Variants in ETV6 observed in about 807,000 individuals in gnomAD.
ETV6 encodes transcription factor ETV6.
Under a neutral mutation model 51.1 loss-of-function variants are expected in ETV6, and 16 were observed. That is an observed-to-expected ratio of 0.31 (90% confidence interval 0.21 to 0.48). The LOEUF (loss-of-function observed/expected upper bound fraction) is 0.48, where lower values mean the gene tolerates loss of function less well. Ranked by LOEUF, ETV6 falls within the 20% of genes least tolerant of loss-of-function variation. The probability of loss-of-function intolerance (pLI) is 0.99; values close to 1 mark genes in which losing one functional copy is unlikely to be tolerated. For missense variants in ETV6, 458 were observed against 594.8 expected, an observed-to-expected ratio of 0.77 and a Z score of 2.39; for synonymous variants, 240 against 224.1, an observed-to-expected ratio of 1.07 and a Z score of -0.64.
chr12:11,767,929 A>G (rs1945185667), intron 2 of ETV6, among the ~76,000 whole-genome samples: 1 of 152,182 alleles, frequency 6.6e-6, no homozygotes, highest in Non-Finnish European at 1.5e-5. Context: ...GAAAATGACT[A>G]GGATCATGGG....
chr12:11,851,586 T>C (rs946490627), intron 3 of ETV6, among the ~76,000 whole-genome samples: 19 of 152,352 alleles, frequency 1.2e-4, no homozygotes, highest in Admixed American at 3.3e-4. Context: ...GCCTTATACA[T>C]AGCAGTTTCA....
intron 1 of ETV6, among the ~76,000 whole-genome samples, chr12:11,737,774 C>T (rs1434952416): frequency 1.3e-5 from 2 of 152,128 alleles, no homozygotes; most frequent in African/African-American, 4.8e-5. Flanking sequence ...TGTATTTTAA[C>T]TCAACTGATT....
chr12:11,766,395 A>AT (rs1441736912), intron 2 of ETV6, among the ~76,000 whole-genome samples: 1 of 152,224 alleles, frequency 6.6e-6, no homozygotes, highest in Non-Finnish European at 1.5e-5. Flanking sequence ...CAAAACAGCT[A>AT]TTGAGAGTGC....
intron 1 of ETV6, among the ~76,000 whole-genome samples, chr12:11,740,300 T>C (rs1591642323): frequency 3.9e-5 from 6 of 152,358 alleles, no homozygotes; most frequent in Admixed American, 3.9e-4. Flanking sequence ...GTTTCAACCC[T>C]ATAAGCTCCA....
intron 1 of ETV6, among the ~76,000 whole-genome samples, chr12:11,727,661 G>A (rs566345711): frequency 2.1e-5 from 3 of 143,676 alleles, no homozygotes; most frequent in Admixed American, 6.9e-5. Context: ...GTCATGAAAA[G>A]TGCAGCCAGC....
chr12:11,851,530 G>C (rs922270820), intron 3 of ETV6, among the ~76,000 whole-genome samples: 6 of 152,154 alleles, frequency 3.9e-5, no homozygotes, highest in African/African-American at 1.2e-4. Context: ...AATGAATTCC[G>C]AAGCCGTTCT....
At chr12:11,731,354 C>A (rs1479658652) in intron 1 of ETV6, among the ~76,000 whole-genome samples, 1 of 151,976 alleles carries the variant, frequency 6.6e-6, no homozygotes, top group African/African-American at 2.4e-5. Context: ...ATTTGTCTTC[C>A]CTGATCAGAT....
In ETV6 at chr12:11,716,982, C is replaced by T. The variant is rs147300499; in HGVS notation, c.34-35468C>T. On this transcript the variant is annotated intron_variant, in intron 1 of 7. Coordinates refer to ENST00000396373, the MANE Select transcript of ETV6 (RefSeq NM_001987.5). The stretch of plus-strand genomic sequence containing the variant: ...GATTTTGATTCCAAGGGTCAAAGCA[C>T]AGCATGGTAGGCAGCAAGCTCTCAT... Among the ~76,000 whole-genome samples, 69 of 152,302 alleles carry T rather than the reference C, an allele frequency of 4.5e-4. 2 individuals carry two copies. The East Asian group carries it at 0.012, about 26-fold the overall frequency.
At chr12:11,878,531 A>C (rs2238133) in intron 5 of ETV6, among the ~76,000 whole-genome samples, 83,934 of 151,822 alleles carry the variant, frequency 0.55, 25,416 homozygotes, top group African/African-American at 0.8. Context: ...CGGTGTTTCC[A>C]AGCCTTCTCC....
At chr12:11,682,041 T>G (rs1247795528) in intron 1 of ETV6, among the ~76,000 whole-genome samples, 2 of 152,222 alleles carry the variant, frequency 1.3e-5, no homozygotes, top group Non-Finnish European at 2.9e-5. Context: ...CGTGTGCATG[T>G]GTCTTTATAG....
chr12:11,773,896 C>A (rs939940657), intron 2 of ETV6, among the ~76,000 whole-genome samples: 1 of 152,214 alleles, frequency 6.6e-6, no homozygotes, highest in Non-Finnish European at 1.5e-5. Flanking sequence ...TGGACCTGAA[C>A]ATTGGGGAAA....
intron 2 of ETV6, among the ~76,000 whole-genome samples, chr12:11,758,587 CAT>C (rs1945038644): frequency 6.6e-6 from 1 of 152,214 alleles, no homozygotes; most frequent in Non-Finnish European, 1.5e-5. Flanking sequence ...TTCCTACCCA[CAT>C]GTCTCTCCCT....
At chr12:11,698,517 T>G (rs1864920563) in intron 1 of ETV6, among the ~76,000 whole-genome samples, 1 of 152,208 alleles carries the variant, frequency 6.6e-6, no homozygotes, top group Admixed American at 6.5e-5. Flanking sequence ...AGTTTCTTAC[T>G]AGCTGTTGGT....
intron 1 of ETV6, among the ~76,000 whole-genome samples, chr12:11,652,813 G>A (rs942816804): frequency 6.6e-6 from 1 of 152,212 alleles, no homozygotes; most frequent in African/African-American, 2.4e-5. Flanking sequence ...AATCAGTGAC[G>A]CCTTTGTAAA....
chr12:11,767,364 G>C (rs1945177786), intron 2 of ETV6, among the ~76,000 whole-genome samples: 1 of 152,234 alleles, frequency 6.6e-6, no homozygotes, highest in South Asian at 2.1e-4. Flanking sequence ...GATCTCTGGA[G>C]ACTGAAATAT....
intron 5 of ETV6, among the ~76,000 whole-genome samples, chr12:11,882,767 C>T (rs900809516): frequency 6.6e-6 from 1 of 151,988 alleles, no homozygotes; most frequent in Non-Finnish European, 1.5e-5. Flanking sequence ...ACTGAATTCC[C>T]CTTGTAAATA....
chr12:11,830,648 C>G (rs1186503447), intron 2 of ETV6, among the ~76,000 whole-genome samples: 1 of 152,150 alleles, frequency 6.6e-6, no homozygotes, highest in Non-Finnish European at 1.5e-5. Flanking sequence ...ATGTGGACTG[C>G]CTAGGAATGG....
chr12:11,825,044 T>G (rs1245591925), intron 2 of ETV6, among the ~76,000 whole-genome samples: 1 of 152,136 alleles, frequency 6.6e-6, no homozygotes, highest in Non-Finnish European at 1.5e-5. Context: ...AGGAGCAGAA[T>G]AGCATCCCTC....
intron 1 of ETV6, among the ~76,000 whole-genome samples, chr12:11,695,727 T>C (rs1864865506): frequency 6.6e-6 from 1 of 152,214 alleles, no homozygotes; most frequent in Non-Finnish European, 1.5e-5. Flanking sequence ...TTCTCCACTC[T>C]TTCTCCAGTG....
Sources: gnomAD v4.1 joint callset for allele counts (sites outside exome capture counted in the v4.1 genomes callset) on GRCh38, gnomAD v4.1.1 for gene constraint, MANE v1.5 for transcripts, NCBI Gene and HGNC (gene_info 2026-07-23, HGNC 2026-07-21) for gene names.